Variants in ADAMTSL1 observed in about 807,000 individuals in gnomAD.
ADAMTSL1 encodes ADAMTS-like protein 1.
Under a neutral mutation model 201.8 loss-of-function variants are expected in ADAMTSL1, and 126 were observed. The ratio of observed to expected loss-of-function variants is 0.62; its 90% CI spans 0.54 to 0.72. The LOEUF is 0.72. Among genes scored for constraint, ADAMTSL1 ranks in the 30% least tolerant of loss-of-function variants. ADAMTSL1 has a pLI of 0.00. For synonymous variants in ADAMTSL1, 1,121 were observed against 903.4 expected (o/e 1.24, Z -4.32); for missense variants, 2,679 against 2,277.8 (o/e 1.18, Z -3.59).
chr9:18,417,382 G>GAAAAAAAAAAAAAAAA (rs750731863), intron 2 of ADAMTSL1, among the ~76,000 whole-genome samples: 12 of 108,820 alleles, frequency 1.1e-4, no homozygotes, highest in East Asian at 3.2e-4. Context: ...AAAAAAAAAA[G>GAAAAAAAAAAAAAAAA]AAAAAAAAAA....
upstream of ADAMTSL1, among the ~76,000 whole-genome samples, chr9:18,472,038 A>G (rs1288273629): frequency 6.6e-6 from 1 of 152,108 alleles, no homozygotes; most frequent in Non-Finnish European, 1.5e-5. Flanking sequence ...TTCCCTTTGG[A>G]TCTGCTTAAT....
At chr9:17,914,816 C>T (rs1191819319) in intron 1 of ADAMTSL1, among the ~76,000 whole-genome samples, 1 of 152,052 alleles carries the variant, frequency 6.6e-6, no homozygotes, top group African/African-American at 2.4e-5. Context: ...TAAGCAACTT[C>T]AGCAAAGTCT....
At chr9:18,549,413 C>G (rs1820662338) in intron 3 of ADAMTSL1, among the ~76,000 whole-genome samples, 1 of 151,962 alleles carries the variant, frequency 6.6e-6, no homozygotes. Context: ...ATGTCCTGAT[C>G]TACAAAGATG....
chr9:18,024,331 G>T (rs1402701332), intron 1 of ADAMTSL1, among the ~76,000 whole-genome samples: 1 of 151,952 alleles, frequency 6.6e-6, no homozygotes, highest in Non-Finnish European at 1.5e-5. Flanking sequence ...TTGTGTGATG[G>T]TGAGGTTTGG....
At chr9:18,273,341 A>AGTTGGCCCAGC (rs11269894) in intron 2 of ADAMTSL1, among the ~76,000 whole-genome samples, 74,952 of 151,968 alleles carry the variant, frequency 0.49, 19,706 homozygotes, top group Middle Eastern at 0.61. Flanking sequence ...TTGGCCTCTC[A>AGTTGGCCCAGC]AAGTGCTGGG....
At chr9:18,051,164 G>T (rs969568227) in intron 1 of ADAMTSL1, among the ~76,000 whole-genome samples, 1 of 152,128 alleles carries the variant, frequency 6.6e-6, no homozygotes, top group African/African-American at 2.4e-5. Flanking sequence ...AGCCGGGTGT[G>T]GTGGCGGGCG....
chr9:18,344,805 AC>A (rs1835627623), intron 2 of ADAMTSL1, among the ~76,000 whole-genome samples: 1 of 152,120 alleles, frequency 6.6e-6, no homozygotes, highest in South Asian at 2.1e-4. Flanking sequence ...GTCTAAACAC[AC>A]CACATGCTTG....
chr9:18,333,992 A>T (rs965644322), intron 2 of ADAMTSL1, among the ~76,000 whole-genome samples: 4 of 152,172 alleles, frequency 2.6e-5, no homozygotes, highest in African/African-American at 7.2e-5. Flanking sequence ...CCCAGAGAAG[A>T]CACTGTGCTA....
At chr9:18,623,652 G>T (rs1826175654) in intron 5 of ADAMTSL1, among the ~76,000 whole-genome samples, 1 of 152,162 alleles carries the variant, frequency 6.6e-6, no homozygotes, top group South Asian at 2.1e-4. Context: ...GGCATTTTAT[G>T]ATACACAGTC....
At chr9:17,999,252 G>A (rs937678096) in intron 1 of ADAMTSL1, among the ~76,000 whole-genome samples, 8 of 151,762 alleles carry the variant, frequency 5.3e-5, no homozygotes, top group Non-Finnish European at 7.4e-5. Context: ...TCTAAAATAC[G>A]GATTATAGCT....
At chr9:18,450,245 T>C (rs1235194764) in intron 2 of ADAMTSL1, among the ~76,000 whole-genome samples, 2 of 152,218 alleles carry the variant, frequency 1.3e-5, no homozygotes, top group African/African-American at 4.8e-5. Flanking sequence ...CATGGAGCGA[T>C]GGAAATATTC....
chr9:18,013,590 C>T (rs943392277), intron 1 of ADAMTSL1, among the ~76,000 whole-genome samples: 5 of 152,032 alleles, frequency 3.3e-5, no homozygotes, highest in African/African-American at 4.8e-5. Flanking sequence ...GAGGAAATTA[C>T]TGAGCAAAAA....
intron 15 of ADAMTSL1, among the ~76,000 whole-genome samples, chr9:18,733,791 C>T (rs1354479283): frequency 6.6e-6 from 1 of 151,952 alleles, no homozygotes; most frequent in Non-Finnish European, 1.5e-5. Context: ...GACTTATTCT[C>T]AGTCACCTTG....
intron 1 of ADAMTSL1, among the ~76,000 whole-genome samples, chr9:17,986,505 CCT>C (rs1285168447): frequency 6.6e-6 from 1 of 152,060 alleles, no homozygotes; most frequent in African/African-American, 2.4e-5. Flanking sequence ...GATCTGTAAT[CCT>C]CTGTCATTTT....
At chr9:18,822,799 C>T (rs1270546663) in intron 21 of ADAMTSL1, among the ~76,000 whole-genome samples, 2 of 152,062 alleles carry the variant, frequency 1.3e-5, no homozygotes, top group South Asian at 2.1e-4. Flanking sequence ...GTTATTTCTC[C>T]GTTTAACACA....
At chr9:17,923,426 G>C (rs1384690723) in intron 1 of ADAMTSL1, among the ~76,000 whole-genome samples, 1 of 146,638 alleles carries the variant, frequency 6.8e-6, no homozygotes, top group African/African-American at 2.5e-5. Context: ...GTTCACTCAT[G>C]ATTTGGCTCT....
At chr9:18,889,524 A>C in intron 24 of ADAMTSL1, 44 bp from the exon 25 acceptor site, 2 of 1,598,144 alleles carry the variant, frequency 1.3e-6, no homozygotes, top group South Asian at 1.1e-5. Flanking sequence ...AGTGTGGGCA[A>C]TTATGCTATA....
Position 18,565,260 on chromosome 9 carries a change from G to C in ADAMTSL1, c.238-8770G>C, listed in dbSNP as rs377422345. On this transcript the variant is annotated intron_variant, in intron 3 of 28. Transcript: ENST00000380548. ...GTTCTCTTAGTAAACACATAGTAGGGCACACCCAAAGTTTGAATATATTAG... is the reference window on the plus strand; with the variant it reads ...GTTCTCTTAGTAAACACATAGTAGGCCACACCCAAAGTTTGAATATATTAG... Among the ~76,000 whole-genome samples, 44 of 152,214 alleles carry C rather than the reference G, an allele frequency of 2.9e-4. No individual in the cohort carries two copies. In the South Asian group the frequency reaches 7.5e-3, roughly 26 times the overall value.
intron 2 of ADAMTSL1, among the ~76,000 whole-genome samples, chr9:18,192,322 T>C (rs763330518): frequency 6.6e-6 from 1 of 152,146 alleles, no homozygotes; most frequent in Non-Finnish European, 1.5e-5. Context: ...AGTTGCTCTC[T>C]GTCCTGGGCA....
Sources: allele counts gnomAD v4.1 joint callset (sites outside exome capture counted in the v4.1 genomes callset), GRCh38; gene constraint gnomAD v4.1.1; transcripts MANE v1.5; gene names NCBI Gene and HGNC (gene_info 2026-07-23, HGNC 2026-07-21).